ACOXL: variants seen among roughly 807,000 people sequenced by gnomAD.
ACOXL encodes the protein acyl-CoA oxidase like, also known as acyl-coenzyme A oxidase-like protein.
In ACOXL, 70 loss-of-function variants were observed where a neutral mutation model predicts 71.9. The ratio of observed to expected loss-of-function variants is 0.97; its 90% CI spans 0.80 to 1.19. ACOXL has a LOEUF of 1.19. Ranked by LOEUF, ACOXL falls within the 50% of genes most tolerant of loss-of-function variation. ACOXL has a pLI of 0.00. For missense variants in ACOXL, 703 were observed against 736.3 expected (o/e 0.95, Z 0.52); for synonymous variants, 253 against 281.6 (o/e 0.90, Z 1.02).
At chr2:110,811,730 T>TATACAC (rs1553548174) in intron 9 of ACOXL, among the ~76,000 whole-genome samples, 1 of 101,614 alleles carries the variant, frequency 9.8e-6, no homozygotes, top group African/African-American at 3.7e-5. Context: ...TTTTTTTGCA[T>TATACAC]ACACACACAC....
chr2:111,103,874 T>C (rs2069346554), intron 17 of ACOXL, among the ~76,000 whole-genome samples: 1 of 152,188 alleles, frequency 6.6e-6, no homozygotes, highest in South Asian at 2.1e-4. Context: ...TGTACAACTA[T>C]AGCTTTACAA....
At chr2:110,849,152 A>G (rs868161697) in intron 10 of ACOXL, among the ~76,000 whole-genome samples, 1 of 152,052 alleles carries the variant, frequency 6.6e-6, no homozygotes, top group African/African-American at 2.4e-5. Flanking sequence ...GCCTAGCTCT[A>G]TTTCTTCTCC....
intron 14 of ACOXL, among the ~76,000 whole-genome samples, chr2:111,030,532 G>A (rs572095008): frequency 2.0e-5 from 3 of 152,320 alleles, no homozygotes; most frequent in East Asian, 3.9e-4. Flanking sequence ...TTTCAGCAGC[G>A]CTGTTTTTCC....
intron 1 of ACOXL, among the ~76,000 whole-genome samples, chr2:110,759,533 T>G (rs1356771575): frequency 6.6e-6 from 1 of 152,190 alleles, no homozygotes; most frequent in African/African-American, 2.4e-5. Flanking sequence ...GGTAAATTTT[T>G]CTTTATCCCT....
At chr2:110,981,835 C>A (rs183418073) in intron 12 of ACOXL, among the ~76,000 whole-genome samples, 1 of 152,058 alleles carries the variant, frequency 6.6e-6, no homozygotes, top group Admixed American at 6.6e-5. Context: ...CCCCGAGGGA[C>A]GGCTGTATCT....
At chr2:110,926,083 T>C (rs2060258481) in intron 11 of ACOXL, among the ~76,000 whole-genome samples, 1 of 152,128 alleles carries the variant, frequency 6.6e-6, no homozygotes, top group Non-Finnish European at 1.5e-5. Flanking sequence ...CACTGTCTTA[T>C]GTGGGTGCAG....
At chr2:110,794,211 C>G in intron 5 of ACOXL, 37 bp downstream of exon 5, 1 of 1,570,152 alleles carries the variant, frequency 6.4e-7, no homozygotes, top group Non-Finnish European at 8.8e-7. Flanking sequence ...TGCAGGGGAG[C>G]TGGAAACCTG....
At chr2:110,962,558 G>A (rs1186608202) in intron 12 of ACOXL, among the ~76,000 whole-genome samples, 1 of 152,240 alleles carries the variant, frequency 6.6e-6, no homozygotes, top group African/African-American at 2.4e-5. Context: ...CTCCCCACAG[G>A]AGCAGGACTG....
chr2:110,902,339 G>T (rs1038885408), intron 10 of ACOXL, among the ~76,000 whole-genome samples: 2 of 152,036 alleles, frequency 1.3e-5, no homozygotes, highest in African/African-American at 4.8e-5. Flanking sequence ...GCGTGGTGGT[G>T]CAGGCCTGTA....
intron 17 of ACOXL, among the ~76,000 whole-genome samples, chr2:111,108,642 G>A (rs1020615786): frequency 3.3e-5 from 5 of 152,196 alleles, no homozygotes; most frequent in African/African-American, 9.7e-5. Context: ...CTTCCAAAGT[G>A]CTGGGATTAC....
At chr2:111,031,465 A>T (rs778422823) in intron 14 of ACOXL, among the ~76,000 whole-genome samples, 162 bp from the exon 15 acceptor site, 1 of 152,224 alleles carries the variant, frequency 6.6e-6, no homozygotes, top group Non-Finnish European at 1.5e-5. Context: ...TCATCTAACA[A>T]GCAGTTTTTG....
At chr2:110,984,172 G>C (rs1429858403) in intron 12 of ACOXL, among the ~76,000 whole-genome samples, 1 of 152,038 alleles carries the variant, frequency 6.6e-6, no homozygotes, top group Non-Finnish European at 1.5e-5. Context: ...GGGGAATCTG[G>C]GTGTTGGCTG....
chr2:110,854,716 G>A (rs527674944), intron 10 of ACOXL, among the ~76,000 whole-genome samples: 1 of 152,334 alleles, frequency 6.6e-6, no homozygotes, highest in Non-Finnish European at 1.5e-5. Flanking sequence ...GCAGAGATCT[G>A]GAAAGCTCTT....
At chr2:110,786,047 C>T (rs1415100842) in intron 3 of ACOXL, among the ~76,000 whole-genome samples, 1 of 152,200 alleles carries the variant, frequency 6.6e-6, no homozygotes, top group Admixed American at 6.5e-5. Context: ...AACAAAATAG[C>T]TCAGGTGGGC....
Position 110,961,053 on chromosome 2 carries a change from T to C in ACOXL, c.1060-26055T>C, listed in dbSNP as rs1271784106. On this transcript the variant is annotated intron_variant, in intron 12 of 17. Coordinates refer to ENST00000439055, the MANE Select transcript of ACOXL (RefSeq NM_001142807.4). The stretch of plus-strand genomic sequence containing the variant: ...CCTTTCTGGCTTATTCTAAAGAAAT[T>C]AGATCATAAATACACCTTGTTACTT... Among the ~76,000 whole-genome samples the C allele has an allele frequency of 3.3e-5, 5 of 152,232 alleles. No homozygotes were observed. The East Asian group carries it at 9.6e-4, about 29-fold the overall frequency.
chr2:111,063,022 G>A (rs893869510), intron 16 of ACOXL, among the ~76,000 whole-genome samples: 1 of 152,048 alleles, frequency 6.6e-6, no homozygotes, highest in African/African-American at 2.4e-5. Context: ...AAAATTCTAT[G>A]CCCATAAATT....
At chr2:110,777,766 C>G (rs1682830960) in intron 2 of ACOXL, among the ~76,000 whole-genome samples, 1 of 152,196 alleles carries the variant, frequency 6.6e-6, no homozygotes, top group South Asian at 2.1e-4. Flanking sequence ...GGAGGCTGCA[C>G]AGAGCCCAGC....
intron 17 of ACOXL, among the ~76,000 whole-genome samples, chr2:111,109,148 A>G (rs539726071): frequency 2.3e-4 from 35 of 152,340 alleles, no homozygotes; most frequent in African/African-American, 7.9e-4. Flanking sequence ...ATCTGTGGGA[A>G]GAAAAAATAA....
intron 14 of ACOXL, among the ~76,000 whole-genome samples, chr2:111,019,291 A>G (rs1230655199): frequency 1.3e-5 from 2 of 152,238 alleles, no homozygotes; most frequent in Non-Finnish European, 2.9e-5. Context: ...ACTGTTAAAA[A>G]ATGGGAGAAA....
Sources: allele counts gnomAD v4.1 joint callset (sites outside exome capture counted in the v4.1 genomes callset), GRCh38; gene constraint gnomAD v4.1.1; transcripts MANE v1.5; gene names NCBI Gene and HGNC (gene_info 2026-07-23, HGNC 2026-07-21).